GPC1: variants seen among roughly 807,000 people sequenced by gnomAD.
The protein encoded by GPC1 is glypican-1.
Under a neutral mutation model 51.5 loss-of-function variants are expected in GPC1, and 26 were observed. The ratio of observed to expected loss-of-function variants is 0.50; its 90% CI spans 0.37 to 0.70. The LOEUF (loss-of-function observed/expected upper bound fraction) is 0.70, where lower values mean the gene tolerates loss of function less well. Ranked by LOEUF, GPC1 falls within the 30% of genes least tolerant of loss-of-function variation. The probability of loss-of-function intolerance (pLI) is 0.00; values close to 1 mark genes in which losing one functional copy is unlikely to be tolerated. For synonymous variants in GPC1, 380 were observed against 348.3 expected, an observed-to-expected ratio of 1.09 and a Z score of -1.01; for missense variants, 775 against 800.5, an observed-to-expected ratio of 0.97 and a Z score of 0.38.
At chr2:240,456,631 C>T (rs2074167185) in intron 1 of GPC1, 1 of 470,788 alleles carries the variant, frequency 2.1e-6, no homozygotes, top group Non-Finnish European at 4.4e-6. Flanking sequence ...CTCTCCTGGT[C>T]TGGGCAGCCT....
At chr2:240,439,678 G>A (rs1016289714) in intron 1 of GPC1, among the ~76,000 whole-genome samples, 11 of 152,168 alleles carry the variant, frequency 7.2e-5, no homozygotes, top group Non-Finnish European at 1.0e-4. Context: ...GGCTGGGCCC[G>A]GGAGAGCCCA....
At chr2:240,449,462 G>T (rs1218850775) in intron 1 of GPC1, 1 of 185,770 alleles carries the variant, frequency 5.4e-6, no homozygotes, top group East Asian at 1.4e-4. Flanking sequence ...GGAAATAAAT[G>T]TTGAGAGTAA....
intron 8 of GPC1, 44 bp from the exon 9 acceptor site, chr2:240,466,014 T>A: frequency 7.9e-7 from 1 of 1,263,678 alleles, no homozygotes. Context: ...TGCACTGGGG[T>A]CTCCTGTGGG....
rs553190890 is a variant in GPC1, at chr2:240,456,517, GGT to G, written c.167-2508_167-2507del. On this transcript the variant is annotated intron_variant, in intron 1 of 8. Coordinates refer to ENST00000264039, the MANE Select transcript of GPC1 (RefSeq NM_002081.3). Reference sequence around the variant, plus strand: ...CTGAGCCCATCTCAGCTGAGCCCAGGGTGTGTCACCGGGAAGCTCAGCTGGCA... The same window carrying G: ...CTGAGCCCATCTCAGCTGAGCCCAGGGTGTCACCGGGAAGCTCAGCTGGCA... 1.3e-3 allele frequency: 593 copies of G among 448,646 alleles called. 2 individuals are homozygous for G. Among genetic ancestry groups the G allele is most frequent in the South Asian group, 2.2e-3 (135 of 61,438 alleles). 27.8% of individuals were successfully genotyped at this position (448,646 alleles called of 1,614,324 possible). A position where few individuals can be genotyped will look rare whatever the true frequency, so the allele number is the denominator to read the frequency against.
intron 1 of GPC1, among the ~76,000 whole-genome samples, chr2:240,440,115 G>A (rs1395285764): frequency 6.6e-6 from 1 of 152,190 alleles, no homozygotes; most frequent in African/African-American, 2.4e-5. Context: ...TGCTGGGGCT[G>A]TGCACCTCGT....
At chr2:240,451,461 C>T (rs2074099411) in intron 1 of GPC1, 1 of 341,696 alleles carries the variant, frequency 2.9e-6, no homozygotes, top group South Asian at 2.2e-5. Context: ...CAACCCCACC[C>T]TCCCACAGCC....
At chr2:240,445,104 C>T (rs1276809928) in intron 1 of GPC1, among the ~76,000 whole-genome samples, 1 of 152,190 alleles carries the variant, frequency 6.6e-6, no homozygotes, top group East Asian at 1.9e-4. Context: ...GCGATGCCCC[C>T]TCCCCGAGCC....
At chr2:240,449,710 A>G in intron 1 of GPC1, 1 of 402,586 alleles carries the variant, frequency 2.5e-6, no homozygotes, top group Admixed American at 2.7e-5. Context: ...GTAACTCCCC[A>G]TTTCCCCTCT....
At chr2:240,450,627 T>G (rs1397533808) in intron 1 of GPC1, 1 of 470,850 alleles carries the variant, frequency 2.1e-6, no homozygotes, top group South Asian at 1.5e-5. Context: ...TGACCTCCCA[T>G]TCAGGGGCGT....
chr2:240,458,025 G>A (rs1476560127), intron 1 of GPC1: 2 of 470,526 alleles, frequency 4.3e-6, no homozygotes, highest in Middle Eastern at 3.3e-4. Flanking sequence ...GGCCCAGAAG[G>A]AACAGTGTGG....
intron 1 of GPC1, among the ~76,000 whole-genome samples, chr2:240,445,095 C>T (rs756194599): frequency 1.1e-4 from 17 of 152,298 alleles, no homozygotes; most frequent in Non-Finnish European, 1.9e-4. Flanking sequence ...TTCCTGAACG[C>T]GATGCCCCCT....
rs1191388861 is a variant in GPC1 at position 240,466,038 on chromosome 2, G to A, written c.1445-20G>A. On this transcript the variant is annotated intron_variant, in intron 8 of 8. Transcript: ENST00000264039. Reference sequence around the variant, plus strand: ...GTCTCCTGTGGGGACCTGCCTGCCGGAGCCTCCTCTCCTTCCCAGGTGACG... The same window carrying A: ...GTCTCCTGTGGGGACCTGCCTGCCGAAGCCTCCTCTCCTTCCCAGGTGACG... The A allele has an allele frequency of 1.3e-6, 2 of 1,553,212 alleles. No homozygotes were observed. Among genetic ancestry groups the A allele is most frequent in the Admixed American group, 3.4e-5 (2 of 59,524 alleles).
chr2:240,450,729 T>C (rs1392550208), intron 1 of GPC1: 1 of 469,044 alleles, frequency 2.1e-6, no homozygotes, highest in South Asian at 1.6e-5. Context: ...TCGTGTTCGC[T>C]CCAGTGCCAA....
At chr2:240,446,842 G>A (rs1032148370) in intron 1 of GPC1, among the ~76,000 whole-genome samples, 10 of 152,174 alleles carry the variant, frequency 6.6e-5, no homozygotes, top group African/African-American at 2.4e-4. Flanking sequence ...GCCCGCAGAG[G>A]ACGGAGAGGG....
rs577795352 is a variant in GPC1 at position 240,449,071 on chromosome 2, C to T, written c.167-9959C>T. On this transcript the variant is annotated intron_variant, in intron 1 of 8. Transcript: ENST00000264039. ...GAGCCTCAGTCTTCCCATCTGTAAGCTGGGGGTGGTCCTGTCTGCCTGTTA... is the reference window on the plus strand; with the variant it reads ...GAGCCTCAGTCTTCCCATCTGTAAGTTGGGGGTGGTCCTGTCTGCCTGTTA... 1.2e-3 allele frequency among the ~76,000 whole-genome samples: 184 copies of T among 152,254 alleles called. 1 individual carries two copies. The highest frequency in any genetic ancestry group is 4.1e-3 in the African/African-American group (170 of 41,544).
intron 1 of GPC1, among the ~76,000 whole-genome samples, chr2:240,438,747 CG>C (rs2073999891): frequency 6.6e-6 from 1 of 152,190 alleles, no homozygotes; most frequent in Admixed American, 6.5e-5. Context: ...AGGGCAGTGT[CG>C]GGACATATTG....
At chr2:240,447,566 C>T (rs528978812) in intron 1 of GPC1, among the ~76,000 whole-genome samples, 56 of 152,340 alleles carry the variant, frequency 3.7e-4, no homozygotes, top group African/African-American at 1.3e-3. Flanking sequence ...TGGCCGAGGG[C>T]TGGCTCTCTT....
In GPC1 at chr2:240,464,625, T is replaced by A; in HGVS notation, c.893T>A (p.Val298Glu). The change falls in exon 5 of 9, where the codon GTG becomes GAG. Residue 298 changes from valine to glutamate, a missense_variant. Transcript: ENST00000264039. ...AEWRNLLDSM[V>E]LITDKFWGTS... ...TTAACGCCTGTCCTAGACTCCATGG[T>A]GCTCATCACCGACAAGTTCTGGGGT... 1 of 1,610,560 alleles carries A rather than the reference T, an allele frequency of 6.2e-7. No individual in the cohort carries two copies. Among genetic ancestry groups the A allele is most frequent in the Non-Finnish European group, 8.5e-7 (1 of 1,178,600 alleles).
chr2:240,455,897 G>C (rs1012165269), intron 1 of GPC1: 16 of 309,932 alleles, frequency 5.2e-5, no homozygotes, highest in Non-Finnish European at 7.5e-5. Flanking sequence ...TTTGACTGCC[G>C]TGCGTCCAGC....
Sources: gnomAD v4.1 joint callset for allele counts (sites outside exome capture counted in the v4.1 genomes callset) on GRCh38, gnomAD v4.1.1 for gene constraint, MANE v1.5 for transcripts, NCBI Gene and HGNC (gene_info 2026-07-23, HGNC 2026-07-21) for gene names.